COP1: variants seen among roughly 807,000 people sequenced by gnomAD.
The protein encoded by COP1 is COP1 E3 ubiquitin ligase.
Under a neutral mutation model 101.3 loss-of-function variants are expected in COP1, and 24 were observed. The ratio of observed to expected loss-of-function variants is 0.24; its 90% CI spans 0.17 to 0.33. The LOEUF is 0.33. Among genes scored for constraint, COP1 ranks in the 10% least tolerant of loss-of-function variants. The pLI, the probability that COP1 is intolerant of heterozygous loss-of-function variation, is 1.00. For missense variants in COP1, 663 were observed against 906.2 expected, an observed-to-expected ratio of 0.73 and a Z score of 3.45; for synonymous variants, 347 against 341.9, an observed-to-expected ratio of 1.01 and a Z score of -0.17.
intron 18 of COP1, among the ~76,000 whole-genome samples, chr1:175,949,168 C>CAAAAAAAAAAAAAAAAAAAAAAAAAA (rs56280543): frequency 9.3e-5 from 4 of 43,160 alleles, no homozygotes; most frequent in African/African-American, 4.1e-4. Context: ...GGCTCCGTCT[C>CAAAAAAAAAAAAAAAAAAAAAAAAAA]AAAAAAAAAA....
At chr1:175,987,948 C>T (rs1271219494) in intron 17 of COP1, among the ~76,000 whole-genome samples, 22 of 152,184 alleles carry the variant, frequency 1.4e-4, no homozygotes, top group Non-Finnish European at 2.6e-4. Flanking sequence ...CACATAATGT[C>T]TCCAAAATTG....
At chr1:175,999,141 G>T (rs1237808611) in intron 15 of COP1, among the ~76,000 whole-genome samples, 4 of 151,976 alleles carry the variant, frequency 2.6e-5, no homozygotes, top group East Asian at 1.9e-4. Flanking sequence ...AAATAAAAAT[G>T]TACAATTAAA....
At chr1:176,007,916 G>C (rs1383778442) in intron 15 of COP1, among the ~76,000 whole-genome samples, 2 of 152,212 alleles carry the variant, frequency 1.3e-5, no homozygotes, top group African/African-American at 4.8e-5. Context: ...AGCAAGCCTG[G>C]GTAATGGCGG....
At chr1:176,182,158 C>T (rs1376931729) in intron 2 of COP1, among the ~76,000 whole-genome samples, 1 of 152,162 alleles carries the variant, frequency 6.6e-6, no homozygotes, top group Non-Finnish European at 1.5e-5. Context: ...ATGTAAGTTA[C>T]AGGACACTCA....
intron 14 of COP1, among the ~76,000 whole-genome samples, chr1:176,038,969 A>G (rs1269600991): frequency 6.6e-6 from 1 of 152,206 alleles, no homozygotes; most frequent in East Asian, 1.9e-4. Context: ...CCATCAAACA[A>G]CTGGATGTAA....
intron 6 of COP1, among the ~76,000 whole-genome samples, chr1:176,138,943 T>A (rs1448435509): frequency 6.6e-6 from 1 of 152,164 alleles, no homozygotes; most frequent in African/African-American, 2.4e-5. Flanking sequence ...ACTCTTGAAA[T>A]TTTTATTTAA....
intron 3 of COP1, among the ~76,000 whole-genome samples, chr1:176,172,926 T>C (rs1049026006): frequency 6.6e-6 from 1 of 152,132 alleles, no homozygotes; most frequent in Admixed American, 6.5e-5. Flanking sequence ...AATAGATGTA[T>C]CAGGATGAAA....
chr1:176,004,328 T>C (rs9699893), intron 15 of COP1, among the ~76,000 whole-genome samples: 9 of 143,068 alleles, frequency 6.3e-5, no homozygotes, highest in African/African-American at 1.8e-4. Flanking sequence ...CTTTTCCTAA[T>C]TGAATACCCT....
intron 15 of COP1, among the ~76,000 whole-genome samples, chr1:175,990,837 T>C (rs1658244541): frequency 6.6e-6 from 1 of 152,178 alleles, no homozygotes; most frequent in African/African-American, 2.4e-5. Flanking sequence ...TTCCATCCTG[T>C]TACTTTAACC....
rs577808869 is a variant in COP1, at chr1:175,970,898, TTTGA to T, written c.2133+16041_2133+16044del. 1.5e-4 allele frequency among the ~76,000 whole-genome samples: 23 copies of T among 152,302 alleles called. No individual in the cohort carries two copies. In the South Asian group the frequency reaches 4.8e-3, roughly 32 times the overall value. ...GGTCAACTAAAGGTAACAAGCAATG[TTTGA>T]TTGATTATCTCTGTATAAAGATGAA... On this transcript the variant is annotated intron_variant, in intron 18 of 19. Coordinates refer to ENST00000367669, the MANE Select transcript of COP1 (RefSeq NM_022457.7).
At chr1:175,959,836 T>G (rs2148529239) in intron 18 of COP1, among the ~76,000 whole-genome samples, 1 of 152,300 alleles carries the variant, frequency 6.6e-6, no homozygotes, top group African/African-American at 2.4e-5. Flanking sequence ...TTACCATCAT[T>G]AATGTAAACC....
intron 5 of COP1, among the ~76,000 whole-genome samples, chr1:176,158,597 G>A (rs1044519976): frequency 6.7e-6 from 1 of 148,474 alleles, no homozygotes; most frequent in South Asian, 2.1e-4. Flanking sequence ...ATGGCCAGGA[G>A]AGAGAAAATG....
intron 16 of COP1, chr1:175,989,081 T>G (rs1657800334): frequency 4.0e-6 from 1 of 250,312 alleles, no homozygotes; most frequent in Non-Finnish European, 7.6e-6. Context: ...TAATCTGAAG[T>G]TCAAATGCAA....
intron 18 of COP1, among the ~76,000 whole-genome samples, chr1:175,948,436 G>A (rs576853723): frequency 6.6e-6 from 1 of 152,296 alleles, no homozygotes; most frequent in East Asian, 1.9e-4. Flanking sequence ...AGATAAAGTG[G>A]TCTAATTTGA....
At chr1:175,958,428 A>T (rs1650940249) in intron 18 of COP1, among the ~76,000 whole-genome samples, 1 of 151,994 alleles carries the variant, frequency 6.6e-6, no homozygotes, top group South Asian at 2.1e-4. Context: ...CCCCCAAAAT[A>T]AGGCACTGAA....
chr1:176,177,434 T>C (rs1242040120), intron 2 of COP1, among the ~76,000 whole-genome samples: 4 of 151,848 alleles, frequency 2.6e-5, no homozygotes, highest in African/African-American at 7.2e-5. Flanking sequence ...GGATATAATA[T>C]AATCCCACTT....
intron 18 of COP1, 38 bp downstream of exon 18, chr1:175,986,905 T>C (rs368670457): frequency 4.9e-6 from 7 of 1,439,312 alleles, no homozygotes; most frequent in African/African-American, 1.4e-5. Flanking sequence ...ATGCATAATA[T>C]GAGATCCCAA....
chr1:176,120,775 A>G (rs1572361413), intron 8 of COP1, among the ~76,000 whole-genome samples: 1 of 152,320 alleles, frequency 6.6e-6, no homozygotes, highest in African/African-American at 2.4e-5. Flanking sequence ...GAGGTAGCCA[A>G]GAGAAAACAA....
chr1:175,961,679 G>A (rs956561589), intron 18 of COP1, among the ~76,000 whole-genome samples: 3 of 118,272 alleles, frequency 2.5e-5, no homozygotes, highest in Non-Finnish European at 4.9e-5. Context: ...CTGGGTAACA[G>A]AGTGAGACCC....
Sources: allele counts gnomAD v4.1 joint callset (sites outside exome capture counted in the v4.1 genomes callset), GRCh38; gene constraint gnomAD v4.1.1; transcripts MANE v1.5; gene names NCBI Gene and HGNC (gene_info 2026-07-23, HGNC 2026-07-21).